Variants in RANBP2 observed in about 807,000 individuals in gnomAD.
RANBP2 encodes E3 SUMO-protein ligase RanBP2.
Under a neutral mutation model 303.6 loss-of-function variants are expected in RANBP2, and 57 were observed. The ratio of observed to expected loss-of-function variants is 0.19; its 90% confidence interval spans 0.15 to 0.23. The LOEUF is 0.23. RANBP2 is among the 10% of genes least tolerant of loss of function. RANBP2 has a pLI of 1.00. For synonymous variants in RANBP2, 1,167 were observed against 1,301.5 expected (o/e 0.90, Z 2.23); for missense variants, 3,138 against 3,780.8 (o/e 0.83, Z 4.46).
the RANBP2 span, among the ~76,000 whole-genome samples, chr2:109,733,816 G>C: frequency 2.1e-4 from 32 of 151,046 alleles, no homozygotes; most frequent in South Asian, 4.2e-4. Flanking sequence ...AGGTTGCAGT[G>C]AGCCAAGATT....
chr2:109,672,352 G>C, the RANBP2 span, among the ~76,000 whole-genome samples: 3 of 152,176 alleles, frequency 2.0e-5, no homozygotes, highest in African/African-American at 7.2e-5. Context: ...TGAGATCATT[G>C]AGTGAACCAT....
chr2:109,516,565 A>G, the RANBP2 span, among the ~76,000 whole-genome samples: 1 of 152,128 alleles, frequency 6.6e-6, no homozygotes, highest in African/African-American at 2.4e-5. Context: ...GAGGGCCGCC[A>G]CTGGAGGGCG....
the RANBP2 span, among the ~76,000 whole-genome samples, chr2:109,329,805 C>G: frequency 3.3e-5 from 5 of 152,200 alleles, no homozygotes; most frequent in Non-Finnish European, 7.4e-5. Context: ...TTCAGCCCAC[C>G]TTCAACCCAG....
the RANBP2 span, among the ~76,000 whole-genome samples, chr2:109,269,772 G>A: frequency 6.6e-6 from 1 of 152,176 alleles, no homozygotes; most frequent in Non-Finnish European, 1.5e-5. Context: ...GAGCAGCCGG[G>A]AGGGGTGAGG....
the RANBP2 span, among the ~76,000 whole-genome samples, chr2:109,493,095 T>C: frequency 1.8e-3 from 155 of 83,858 alleles, 1 homozygote; most frequent in African/African-American, 6.2e-3. Flanking sequence ...CATACAAACA[T>C]ACACATACAC....
intron 17 of RANBP2, among the ~76,000 whole-genome samples, chr2:108,756,188 C>T (rs191587038): frequency 4.1e-4 from 62 of 152,298 alleles, no homozygotes; most frequent in Middle Eastern, 3.4e-3. Flanking sequence ...ATACTCTGGT[C>T]TATGAGTTCA....
At chr2:108,991,905 T>G in the RANBP2 span, among the ~76,000 whole-genome samples, 1 of 152,170 alleles carries the variant, frequency 6.6e-6, no homozygotes, top group Non-Finnish European at 1.5e-5. Flanking sequence ...CTCCCAGGTT[T>G]AAGCGATTCT....
chr2:109,520,065 G>A, the RANBP2 span, among the ~76,000 whole-genome samples: 4 of 152,188 alleles, frequency 2.6e-5, no homozygotes, highest in African/African-American at 7.2e-5. Flanking sequence ...TGATATCTGA[G>A]CAAGGCCAAT....
chr2:108,837,397 C>T, the RANBP2 span, among the ~76,000 whole-genome samples: 5 of 152,096 alleles, frequency 3.3e-5, no homozygotes, highest in Admixed American at 2.0e-4. Context: ...TTAGTCATGG[C>T]GTATAATCCC....
chr2:109,030,930 G>T, the RANBP2 span, among the ~76,000 whole-genome samples: 1 of 152,056 alleles, frequency 6.6e-6, no homozygotes, highest in South Asian at 2.1e-4. Flanking sequence ...TTGGTAAAAT[G>T]GTTTAATAAT....
the RANBP2 span, among the ~76,000 whole-genome samples, chr2:108,980,622 G>A: frequency 6.6e-6 from 1 of 152,126 alleles, no homozygotes; most frequent in Non-Finnish European, 1.5e-5. Context: ...GGTGGGAGCT[G>A]CTGTTTTATA....
the RANBP2 span, among the ~76,000 whole-genome samples, chr2:109,379,609 T>C: frequency 1.3e-5 from 2 of 152,226 alleles, no homozygotes; most frequent in African/African-American, 4.8e-5. Flanking sequence ...GTTTGAAGTT[T>C]CATTTTATTT....
the RANBP2 span, among the ~76,000 whole-genome samples, chr2:108,953,977 G>T: frequency 2.0e-5 from 3 of 152,230 alleles, no homozygotes; most frequent in East Asian, 5.8e-4. Flanking sequence ...AAACTTCTTT[G>T]GTTGCTCCTG....
the RANBP2 span, among the ~76,000 whole-genome samples, chr2:109,172,832 G>C: frequency 6.6e-6 from 1 of 152,366 alleles, no homozygotes; most frequent in East Asian, 1.9e-4. Flanking sequence ...GCCTCGACTG[G>C]TGAGTATTGT....
the RANBP2 span, among the ~76,000 whole-genome samples, chr2:109,497,157 C>T: frequency 9.8e-5 from 15 of 152,288 alleles, no homozygotes; most frequent in African/African-American, 3.4e-4. Flanking sequence ...TATGGTCATT[C>T]GTTATAGCCA....
At chr2:109,072,430 T>TG in the RANBP2 span, among the ~76,000 whole-genome samples, 2 of 152,206 alleles carry the variant, frequency 1.3e-5, no homozygotes, top group Non-Finnish European at 2.9e-5. Context: ...TTAGGGCATC[T>TG]GGTTGACCAC....
chr2:109,740,556 A>G, the RANBP2 span, among the ~76,000 whole-genome samples: 1 of 152,224 alleles, frequency 6.6e-6, no homozygotes, highest in Non-Finnish European at 1.5e-5. Flanking sequence ...CCCAAGGTAG[A>G]CCACATTCTG....
chr2:109,592,955 T>G, the RANBP2 span: 1 of 708,008 alleles, frequency 1.4e-6, no homozygotes. Flanking sequence ...AACAGAAGTC[T>G]CTATCACAAG....
At chr2:108,788,876 A>G (rs147437740), downstream of RANBP2, 2 of 1,614,102 alleles carry the variant, frequency 1.2e-6, no homozygotes, top group East Asian at 2.2e-5. Flanking sequence ...TACTCTGGAG[A>G]TAAAGTTGGT....
Sources: gnomAD v4.1 joint callset for allele counts (sites outside exome capture counted in the v4.1 genomes callset) on GRCh38, gnomAD v4.1.1 for gene constraint, MANE v1.5 for transcripts, NCBI Gene and HGNC (gene_info 2026-07-23, HGNC 2026-07-21) for gene names.